CTNND2: variants seen among roughly 807,000 people sequenced by gnomAD.
CTNND2 encodes the protein catenin delta 2, also known as catenin delta-2.
In CTNND2, 22 loss-of-function variants were observed where a neutral mutation model predicts 144.4. That is an observed-to-expected ratio of 0.15 (90% CI 0.11 to 0.22). The LOEUF is 0.22. CTNND2 is among the 10% of genes least tolerant of loss of function. The probability of loss-of-function intolerance (pLI) is 1.00; values close to 1 mark genes in which losing one functional copy is unlikely to be tolerated. For synonymous variants in CTNND2, 751 were observed against 695.6 expected (o/e 1.08, Z -1.25); for missense variants, 1,353 against 1,618.8 (o/e 0.84, Z 2.82).
intron 2 of CTNND2, among the ~76,000 whole-genome samples, chr5:11,662,501 G>T (rs551970228): frequency 6.6e-6 from 1 of 151,822 alleles, no homozygotes; most frequent in East Asian, 1.9e-4. Flanking sequence ...GACTTTTCAC[G>T]ATTTTCTGCC....
chr5:11,027,453 C>A (rs1177355177), intron 16 of CTNND2: 3 of 152,030 alleles, frequency 2.0e-5, no homozygotes, highest in Admixed American at 6.5e-5. Flanking sequence ...TTTTAAGTTA[C>A]TTAGTCTCTA....
intron 3 of CTNND2, among the ~76,000 whole-genome samples, chr5:11,428,419 C>T (rs554634561): frequency 5.2e-4 from 79 of 152,274 alleles, no homozygotes; most frequent in Non-Finnish European, 8.5e-4. Flanking sequence ...ACTTGAGGAC[C>T]CTGTCTCAGC....
rs889224146 is a variant in CTNND2, at chr5:11,722,539, G to A, written c.174+9597C>T. ...ACCTGAGACTAGGTAATTTATAAAC[G>A]AAAGAGGTTTAACTGACTCCCAGTT... On this transcript the variant is annotated intron_variant, in intron 2 of 21. Transcript: ENST00000304623. Among the ~76,000 whole-genome samples the A allele has an allele frequency of 5.3e-5, 8 of 152,182 alleles. No homozygotes were observed. In the East Asian group the frequency reaches 5.8e-4, roughly 11 times the overall value.
chr5:11,193,618 A>G (rs1448784941), intron 11 of CTNND2, among the ~76,000 whole-genome samples: 1 of 152,160 alleles, frequency 6.6e-6, no homozygotes, highest in Non-Finnish European at 1.5e-5. Flanking sequence ...CTCTTGGTGT[A>G]ATATATGAAT....
At chr5:11,895,609 A>G (rs980826660) in intron 1 of CTNND2, among the ~76,000 whole-genome samples, 1 of 152,204 alleles carries the variant, frequency 6.6e-6, no homozygotes, top group Admixed American at 6.5e-5. Context: ...GTTTCCTTAA[A>G]GAAGAACTCC....
At chr5:11,233,718 G>C (rs417505) in intron 10 of CTNND2, among the ~76,000 whole-genome samples, 1 of 27,202 alleles carries the variant, frequency 3.7e-5, no homozygotes, top group East Asian at 1.9e-3. Flanking sequence ...TTACGTGTCT[G>C]TGTGTGTGTG....
At chr5:11,658,994 TAAA>T (rs1164553809) in intron 2 of CTNND2, among the ~76,000 whole-genome samples, 1 of 152,162 alleles carries the variant, frequency 6.6e-6, no homozygotes, top group Admixed American at 6.6e-5. Flanking sequence ...GATAGTTTAA[TAAA>T]AACTTTTAAA....
intron 3 of CTNND2, among the ~76,000 whole-genome samples, chr5:11,442,721 C>T (rs1444583390): frequency 6.6e-6 from 1 of 150,460 alleles, no homozygotes; most frequent in Non-Finnish European, 1.5e-5. Flanking sequence ...ATCTTGAGGG[C>T]ACAGTGGGAC....
intron 1 of CTNND2, among the ~76,000 whole-genome samples, chr5:11,864,226 A>C (rs562653336): frequency 6.6e-6 from 1 of 152,286 alleles, no homozygotes; most frequent in Non-Finnish European, 1.5e-5. Flanking sequence ...GCCTGAAAAA[A>C]AGGGTCAGGT....
chr5:11,102,054 T>C (rs776944175), intron 14 of CTNND2, among the ~76,000 whole-genome samples: 10 of 152,166 alleles, frequency 6.6e-5, no homozygotes, highest in Non-Finnish European at 1.3e-4. Flanking sequence ...TTGTTCCAGC[T>C]TGGGGGAAAT....
At chr5:11,746,851 C>T (rs1335760526) in intron 1 of CTNND2, among the ~76,000 whole-genome samples, 3 of 152,190 alleles carry the variant, frequency 2.0e-5, no homozygotes, top group East Asian at 3.9e-4. Flanking sequence ...GAATTTTACA[C>T]GTACAACACT....
At chr5:11,756,390 G>A (rs1204740892) in intron 1 of CTNND2, among the ~76,000 whole-genome samples, 2 of 151,452 alleles carry the variant, frequency 1.3e-5, no homozygotes, top group Non-Finnish European at 3.0e-5. Flanking sequence ...ACTGATAAAG[G>A]AAATGTAACT....
chr5:11,718,694 G>C (rs1038577753), intron 2 of CTNND2, among the ~76,000 whole-genome samples: 1 of 151,992 alleles, frequency 6.6e-6, no homozygotes, highest in African/African-American at 2.4e-5. Context: ...GTAACATGTT[G>C]AAGTGTTATC....
intron 3 of CTNND2, among the ~76,000 whole-genome samples, chr5:11,475,239 C>T (rs971140157): frequency 2.6e-5 from 4 of 152,228 alleles, no homozygotes; most frequent in African/African-American, 9.6e-5. Context: ...CCAGCAAGAT[C>T]GAGGGGCTAA....
chr5:11,492,501 ATATATGTG>A (rs879553393), intron 3 of CTNND2, among the ~76,000 whole-genome samples: 2,083 of 124,584 alleles, frequency 0.017, 46 homozygotes, highest in African/African-American at 0.069. Flanking sequence ...CTATATATAT[ATATATGTG>A]TGTGTGTGTG....
intron 2 of CTNND2, among the ~76,000 whole-genome samples, chr5:11,652,072 G>A (rs1782671844): frequency 6.6e-6 from 1 of 152,130 alleles, no homozygotes; most frequent in African/African-American, 2.4e-5. Flanking sequence ...GAATGATATA[G>A]CTTGGATTTA....
chr5:11,129,156 C>CATT (rs1755206268), intron 12 of CTNND2, among the ~76,000 whole-genome samples: 1 of 11,292 alleles, frequency 8.9e-5, no homozygotes, highest in African/African-American at 2.3e-4. Flanking sequence ...ATAAAATATA[C>CATT]ATATATTATA....
chr5:11,510,845 T>G (rs1460090900), intron 3 of CTNND2, among the ~76,000 whole-genome samples: 1 of 151,930 alleles, frequency 6.6e-6, no homozygotes. Context: ...GCACAAGTAT[T>G]GCTTGAACCC....
In CTNND2 at chr5:10,973,614, CGAA is replaced by C. The variant is rs1736068379; in HGVS notation, c.3514_3516del (p.Phe1172del). ...GGAGGGCGATGGTGGACCTGGTCCT[CGAA>C]GAAGGACTCATCGTAATTTCTTGTG... is the stretch of plus-strand genomic sequence containing the variant. On this transcript the variant is annotated inframe_deletion, in exon 22 of 22. Transcript: ENST00000304623. This position sits in a 1 kb window ranked among gnomAD's most constrained non-coding sequence, Gnocchi z 5.6. The C allele has an allele frequency of 2.5e-6, 4 of 1,614,060 alleles. No homozygotes were observed. Among genetic ancestry groups the C allele is most frequent in the Non-Finnish European group, 3.4e-6 (4 of 1,179,990 alleles).
Sources: allele counts gnomAD v4.1 joint callset (sites outside exome capture counted in the v4.1 genomes callset), GRCh38; gene constraint gnomAD v4.1.1; non-coding constraint Gnocchi (gnomAD v3.1); transcripts MANE v1.5; gene names NCBI Gene and HGNC (gene_info 2026-07-23, HGNC 2026-07-21).